The following SFI1 variants were observed in gnomAD, a reference collection of about 807,000 sequenced individuals.
SFI1 encodes the protein SFI1 centrin binding protein, also known as protein SFI1 homolog.
In SFI1, 195 loss-of-function variants were observed where a neutral mutation model predicts 207.5. The ratio of observed to expected loss-of-function variants is 0.94; its 90% CI spans 0.84 to 1.06. The LOEUF (loss-of-function observed/expected upper bound fraction) is 1.06. SFI1 is among the 50% of genes least tolerant of loss of function. The pLI, the probability that SFI1 is intolerant of heterozygous loss-of-function variation, is 0.00. For synonymous variants in SFI1, 630 were observed against 598.9 expected, an observed-to-expected ratio of 1.05 and a Z score of -0.76; for missense variants, 1,634 against 1,588.0, an observed-to-expected ratio of 1.03 and a Z score of -0.49.
chr22:31,613,557 G>T (rs751555973), intron 26 of SFI1, 27 bp downstream of exon 26: 1 of 1,579,274 alleles, frequency 6.3e-7, no homozygotes, highest in Non-Finnish European at 8.6e-7. Flanking sequence ...TTCCTGTGGG[G>T]AGCAGGCAGG....
intron 15 of SFI1, among the ~76,000 whole-genome samples, chr22:31,594,817 T>G (rs1471606065): frequency 2.4e-5 from 3 of 127,016 alleles, no homozygotes; most frequent in African/African-American, 6.1e-5. Flanking sequence ...ATCACACCAC[T>G]GCACTCTAGC....
At chr22:31,533,840 C>G (rs76159673) in intron 4 of SFI1, among the ~76,000 whole-genome samples, 3 of 134,124 alleles carry the variant, frequency 2.2e-5, no homozygotes, top group Non-Finnish European at 5.0e-5. Context: ...AGAATTCTCT[C>G]TTTTTTGTTT....
At chr22:31,607,884 C>A in intron 21 of SFI1, 53 bp from the exon 22 acceptor site, 1 of 1,546,506 alleles carries the variant, frequency 6.5e-7, no homozygotes, top group Non-Finnish European at 8.9e-7. Context: ...CTGGGGTGGA[C>A]CCGGAAGCCA....
chr22:31,599,209 G>C (rs56355520), intron 15 of SFI1, among the ~76,000 whole-genome samples: 6,873 of 152,052 alleles, frequency 0.045, 132 homozygotes, highest in African/African-American at 0.053. Flanking sequence ...TATAGTTTTA[G>C]CATTTACATT....
intron 7 of SFI1, among the ~76,000 whole-genome samples, chr22:31,557,986 G>C (rs1271932319): frequency 3.9e-5 from 6 of 152,154 alleles, no homozygotes; most frequent in Admixed American, 2.0e-4. Context: ...TTCACTTCCT[G>C]CCTGAAAGTT....
chr22:31,521,902 T>C (rs2057315815), intron 2 of SFI1, among the ~76,000 whole-genome samples: 1 of 152,068 alleles, frequency 6.6e-6, no homozygotes, highest in African/African-American at 2.4e-5. Flanking sequence ...TAGCTGGGTC[T>C]GCAGGCATGC....
chr22:31,603,662 C>A (rs2147041386), intron 17 of SFI1, 82 bp from the exon 18 acceptor site: 6 of 1,208,172 alleles, frequency 5.0e-6, no homozygotes, highest in African/African-American at 1.6e-5. Flanking sequence ...CCAGGTAGGG[C>A]TATGGACTAT....
At chr22:31,516,454 A>G (rs1436522043) in intron 2 of SFI1, among the ~76,000 whole-genome samples, 1 of 151,892 alleles carries the variant, frequency 6.6e-6, no homozygotes, top group African/African-American at 2.4e-5. Flanking sequence ...TGGGGGTTAC[A>G]GTGAGCTGAG....
intron 2 of SFI1, among the ~76,000 whole-genome samples, chr22:31,526,285 A>G (rs1181856244): frequency 6.6e-6 from 1 of 152,200 alleles, no homozygotes; most frequent in African/African-American, 2.4e-5. Context: ...ATTTCTAGAG[A>G]GGCCTCAAGA....
At chr22:31,529,159 T>G (rs2058222940) in intron 3 of SFI1, 1 of 294,692 alleles carries the variant, frequency 3.4e-6, no homozygotes, top group South Asian at 9.3e-5. Context: ...TTGCTATTCT[T>G]TTTTTCCCCC....
chr22:31,608,566 T>C (rs2069481518), intron 22 of SFI1, among the ~76,000 whole-genome samples: 1 of 152,132 alleles, frequency 6.6e-6, no homozygotes, highest in African/African-American at 2.4e-5. Flanking sequence ...CAGTCCAGTA[T>C]ATCTTAGAAA....
chr22:31,526,039 C>T (rs191993300), intron 2 of SFI1, among the ~76,000 whole-genome samples: 3 of 152,224 alleles, frequency 2.0e-5, no homozygotes, highest in Admixed American at 2.0e-4. Context: ...TTAGCATGTT[C>T]TTCTGTCCTC....
At chr22:31,559,849 G>A (rs1347103561) in intron 7 of SFI1, 39 of 685,306 alleles carry the variant, frequency 5.7e-5, no homozygotes, top group South Asian at 4.3e-4. Flanking sequence ...ATAGAGGACC[G>A]CACCACTTCT....
intron 29 of SFI1, 158 bp from the exon 30 acceptor site, chr22:31,616,587 G>C: frequency 1.4e-6 from 1 of 738,392 alleles, no homozygotes; most frequent in Non-Finnish European, 2.2e-6. Context: ...GCTAGACACT[G>C]AGCTGGCACG....
intron 1 of SFI1, among the ~76,000 whole-genome samples, chr22:31,500,503 G>A (rs1026329440): frequency 7.2e-5 from 11 of 152,082 alleles, no homozygotes; most frequent in South Asian, 4.2e-4. Context: ...CATCACCCAC[G>A]GTGGAATGCA....
At chr22:31,614,962 G>T (rs2071139308) in intron 28 of SFI1, 86 bp from the exon 29 acceptor site, 1 of 1,573,114 alleles carries the variant, frequency 6.4e-7, no homozygotes, top group Non-Finnish European at 8.7e-7. Context: ...GCAGCCCTGG[G>T]GTGGGTGGCC....
intron 19 of SFI1, 114 bp from the exon 20 acceptor site, chr22:31,604,755 C>T (rs748634395): frequency 3.3e-5 from 31 of 939,858 alleles, no homozygotes; most frequent in Non-Finnish European, 4.8e-5. Context: ...CTCTTCCTAC[C>T]CTTTTTGAGT....
intron 2 of SFI1, among the ~76,000 whole-genome samples, chr22:31,512,598 A>G (rs1294086036): frequency 2.0e-5 from 3 of 148,734 alleles, no homozygotes; most frequent in Admixed American, 6.7e-5. Flanking sequence ...GCTCACTGCA[A>G]CCTCCACCTC....
Position 31,618,211 on chromosome 22 carries a change from GA to G in SFI1, c.3612del (p.Glu1205SerfsTer77), listed in dbSNP as rs1569476431. 4.4e-6 allele frequency: 7 copies of G among 1,596,048 alleles called. No individual in the cohort carries two copies. The South Asian group carries it at 4.5e-5, about 10-fold the overall frequency. ...EDQEVEQQVQ[K>X]ELEQVEMQIQ... ...ACCAGGAAGTAGAGCAGCAGGTGCAGAAAGAGCTGGAACAGGTGAGGCCCCA... is the reference window on the plus strand; with the variant it reads ...ACCAGGAAGTAGAGCAGCAGGTGCAGAAGAGCTGGAACAGGTGAGGCCCCA... On this transcript the variant is annotated frameshift_variant, in exon 32 of 33. Transcript: ENST00000400288. LOFTEE classifies it high-confidence loss of function.
Sources: gnomAD v4.1 joint callset for allele counts (sites outside exome capture counted in the v4.1 genomes callset) on GRCh38, gnomAD v4.1.1 for gene constraint, MANE v1.5 for transcripts, NCBI Gene and HGNC (gene_info 2026-07-23, HGNC 2026-07-21) for gene names.